The following ZNF680 variants were observed in gnomAD, a reference collection of about 807,000 sequenced individuals.
ZNF680 encodes hypothetical protein FLJ90430.
A neutral mutation model predicts 12.1 loss-of-function variants in ZNF680; 6 were observed. That is an observed-to-expected ratio of 0.49 (90% CI 0.27 to 0.98). ZNF680 has a LOEUF of 0.98. ZNF680 is among the 50% of genes least tolerant of loss of function. ZNF680 has a pLI of 0.12. For synonymous variants in ZNF680, 170 were observed against 199.3 expected (o/e 0.85, Z 1.24); for missense variants, 561 against 616.3 (o/e 0.91, Z 0.95).
chr7:64,542,399 C>T (rs756878869), intron 3 of ZNF680, among the ~76,000 whole-genome samples: 1 of 152,132 alleles, frequency 6.6e-6, no homozygotes, highest in Admixed American at 6.5e-5. Context: ...AGTTTTTAAA[C>T]TCACTGAAAT....
chr7:64,522,971 GA>G (rs1791626164), intron 3 of ZNF680, among the ~76,000 whole-genome samples: 1 of 151,552 alleles, frequency 6.6e-6, no homozygotes, highest in Non-Finnish European at 1.5e-5. Flanking sequence ...ACCAAATTCT[GA>G]AAAAGTATAT....
intron 1 of ZNF680, among the ~76,000 whole-genome samples, chr7:64,550,321 G>C (rs997099548): frequency 6.6e-6 from 1 of 152,218 alleles, no homozygotes; most frequent in Admixed American, 6.5e-5. Flanking sequence ...AGTTTTAAGA[G>C]ATAAATCAAT....
At chr7:64,512,930 T>C in the ZNF680 span, among the ~76,000 whole-genome samples, 1 of 152,186 alleles carries the variant, frequency 6.6e-6, no homozygotes, top group East Asian at 1.9e-4. Context: ...TTAAAACTTA[T>C]TAATAAAGTA....
intron 3 of ZNF680, among the ~76,000 whole-genome samples, chr7:64,522,833 T>G (rs894224274): frequency 3.9e-4 from 59 of 151,862 alleles, no homozygotes; most frequent in African/African-American, 1.3e-3. Context: ...TCAAGAAAAT[T>G]TTGCAGGCAA....
chr7:64,520,470 G>T lies in ZNF680; in HGVS notation c.*691C>A, dbSNP rs1338652239. Reference sequence around the variant, plus strand: ...TCTGTTTTAGTGTAATGTCTAAAGTGTCAGTGCCTTAGTTATTTCTACTGT... The same window carrying T: ...TCTGTTTTAGTGTAATGTCTAAAGTTTCAGTGCCTTAGTTATTTCTACTGT... On this transcript the variant is annotated 3_prime_UTR_variant, in exon 4 of 4. Coordinates refer to ENST00000309683, the MANE Select transcript of ZNF680 (RefSeq NM_178558.5). 6.6e-6 allele frequency: 1 copy of T among 151,682 alleles called. No homozygotes were observed. Among genetic ancestry groups the T allele is most frequent in the Non-Finnish European group, 1.5e-5 (1 of 67,722 alleles). 9.4% of individuals were successfully genotyped at this position (151,682 alleles called of 1,614,324 possible). A position where few individuals can be genotyped will look rare whatever the true frequency, so the allele number is the denominator to read the frequency against.
At chr7:64,555,725 T>TAAAA in intron 1 of ZNF680, among the ~76,000 whole-genome samples, 1 of 121,918 alleles carries the variant, frequency 8.2e-6, no homozygotes, top group Middle Eastern at 4.0e-3. Context: ...TAAACCTTTG[T>TAAAA]AAAAAAAAAT....
At chr7:64,557,719 TCTC>T (rs765456522) in intron 1 of ZNF680, among the ~76,000 whole-genome samples, 3 of 152,126 alleles carry the variant, frequency 2.0e-5, no homozygotes, top group Non-Finnish European at 4.4e-5. Context: ...GAAACCCCTG[TCTC>T]TACTAAGAAT....
At chr7:64,506,867 A>G in the ZNF680 span, among the ~76,000 whole-genome samples, 2 of 152,204 alleles carry the variant, frequency 1.3e-5, no homozygotes, top group African/African-American at 4.8e-5. Context: ...TGAGGGTAAT[A>G]ATGATACCTA....
the ZNF680 span, chr7:64,500,946 G>T: frequency 1.6e-6 from 1 of 644,978 alleles, no homozygotes. Context: ...TCGATGTGCA[G>T]CAAAATTGTG....
chr7:64,513,085 C>A, the ZNF680 span, among the ~76,000 whole-genome samples: 1 of 151,994 alleles, frequency 6.6e-6, no homozygotes, highest in Non-Finnish European at 1.5e-5. Flanking sequence ...GGCCAAAAAG[C>A]GTATGTGCCC....
the ZNF680 span, among the ~76,000 whole-genome samples, chr7:64,504,364 G>A: frequency 6.6e-6 from 1 of 152,046 alleles, no homozygotes; most frequent in Non-Finnish European, 1.5e-5. Context: ...ACTGTTATTT[G>A]GCTTAAAGTA....
intron 1 of ZNF680, among the ~76,000 whole-genome samples, chr7:64,556,374 T>C (rs1215419443): frequency 6.6e-6 from 1 of 151,712 alleles, no homozygotes; most frequent in Non-Finnish European, 1.5e-5. Flanking sequence ...GGCATTACAT[T>C]ACCTGACTTC....
chr7:64,510,101 CAA>C, the ZNF680 span, among the ~76,000 whole-genome samples: 3 of 148,474 alleles, frequency 2.0e-5, no homozygotes, highest in African/African-American at 7.4e-5. Context: ...CCTAGCCAGT[CAA>C]AAAACAACAA....
chr7:64,519,991 T>C lies in ZNF680; in HGVS notation c.*1170A>G, dbSNP rs1330316895. ...TACAATTAGTAAAATGATTCACTAG[T>C]AATTTAATTACATTTAATTTAAAGT... On this transcript the variant is annotated 3_prime_UTR_variant, in exon 4 of 4. Transcript: ENST00000309683. 1 of 151,844 alleles carries C rather than the reference T, an allele frequency of 6.6e-6. No individual in the cohort carries two copies. The highest frequency in any genetic ancestry group is 1.5e-5 in the Non-Finnish European group (1 of 67,740). The allele number at this position is 151,844 out of a possible 1,614,324, so 9.4% of individuals were successfully genotyped here.
At chr7:64,505,342 TTACAG>T in the ZNF680 span, among the ~76,000 whole-genome samples, 1 of 152,252 alleles carries the variant, frequency 6.6e-6, no homozygotes. Context: ...CAATATTGTA[TTACAG>T]TATAGTAAAA....
chr7:64,559,340 C>A (rs1584415162), intron 1 of ZNF680, among the ~76,000 whole-genome samples: 1 of 152,104 alleles, frequency 6.6e-6, no homozygotes, highest in South Asian at 2.1e-4. Context: ...AGGCTTTATT[C>A]ATTTGGGGGG....
chr7:64,502,892 T>C, the ZNF680 span, among the ~76,000 whole-genome samples: 7 of 152,040 alleles, frequency 4.6e-5, no homozygotes, highest in African/African-American at 1.7e-4. Flanking sequence ...CCATCGTCTG[T>C]GAACTTTTTT....
chr7:64,535,284 A>C (rs1786100171), intron 3 of ZNF680, among the ~76,000 whole-genome samples: 1 of 152,080 alleles, frequency 6.6e-6, no homozygotes, highest in African/African-American at 2.4e-5. Flanking sequence ...AGAATTTTCT[A>C]AGTTTAGAAA....
intron 1 of ZNF680, among the ~76,000 whole-genome samples, chr7:64,555,993 G>C (rs946790297): frequency 3.3e-5 from 5 of 150,036 alleles, no homozygotes; most frequent in African/African-American, 1.2e-4. Context: ...TTCAACCTAA[G>C]GCCAAATCAA....
Sources: gnomAD v4.1 joint callset for allele counts (sites outside exome capture counted in the v4.1 genomes callset) on GRCh38, gnomAD v4.1.1 for gene constraint, MANE v1.5 for transcripts, NCBI Gene and HGNC (gene_info 2026-07-23, HGNC 2026-07-21) for gene names.